DMBT1: variants seen among roughly 807,000 people sequenced by gnomAD.
DMBT1 encodes the protein scavenger receptor cysteine-rich domain-containing protein DMBT1.
Under a neutral mutation model 252.9 loss-of-function variants are expected in DMBT1, and 198 were observed. The ratio of observed to expected loss-of-function variants is 0.78; its 90% CI spans 0.70 to 0.88. DMBT1 has a LOEUF of 0.88. Ranked by LOEUF, DMBT1 falls within the 40% of genes least tolerant of loss-of-function variation. DMBT1 has a pLI of 0.00. For missense variants in DMBT1, 2,432 were observed against 2,404.7 expected (o/e 1.01, Z -0.24); for synonymous variants, 990 against 942.7 (o/e 1.05, Z -0.92).
Position 122,589,022 on chromosome 10 carries a change from G to A in DMBT1, c.1862G>A (p.Gly621Asp). The A allele has an allele frequency of 1.3e-6, 2 of 1,588,738 alleles. No individual in the cohort carries two copies. The highest frequency in any genetic ancestry group is 1.7e-6 in the Non-Finnish European group (2 of 1,165,906). The change falls in exon 17 of 56, where the codon GGC becomes GAC. Residue 621 changes from glycine to aspartate, a missense_variant. Physicochemically the swap from Gly to Asp is moderately conservative, Grantham distance 94. Transcript: ENST00000338354. ...GGCCGAGTGGAGGTCCTATACCGAG[G>A]CTCTTGGGGCACCGTGTGTGATGAC... is the stretch of plus-strand genomic sequence containing the variant. ...CQGRVEVLYRGSWGTVCDDSW... is the reference protein window; with the variant it reads ...CQGRVEVLYRDSWGTVCDDSW...
In DMBT1 at chr10:122,579,803, G is replaced by C. The variant is rs566307490; in HGVS notation, c.905G>C (p.Arg302Pro). ...GGACCCATTGTCCTGGATGATGTGC[G>C]CTGCTCAGGACATGAGTCCTACCTG... ...GSGPIVLDDV[R>P]CSGHESYLWS... The change falls in exon 10 of 56, where the codon CGC (arginine) becomes CCC (proline). Residue 302 changes from arginine (R) to proline (P), a missense_variant. By Grantham distance (103) the Arg-to-Pro change is moderately radical. Transcript: ENST00000338354. 5 of 1,607,376 alleles carry C rather than the reference G, an allele frequency of 3.1e-6. No individual in the cohort carries two copies. The East Asian group carries it at 1.1e-4, about 36-fold the overall frequency.
chr10:122,584,583 T>TC (rs2133563485), intron 14 of DMBT1, among the ~76,000 whole-genome samples: 1 of 148,820 alleles, frequency 6.7e-6, no homozygotes, highest in East Asian at 2.1e-4. Context: ...TTTCATACTG[T>TC]CCCAGTGGCC....
intron 29 of DMBT1, 67 bp downstream of exon 29, chr10:122,602,187 AC>A: frequency 6.3e-6 from 4 of 630,924 alleles, no homozygotes; most frequent in Non-Finnish European, 8.8e-6. Flanking sequence ...AATCCTAATT[AC>A]ATTATGATCT....
intron 40 of DMBT1, 78 bp downstream of exon 40, chr10:122,617,338 T>G: frequency 6.6e-7 from 1 of 1,519,142 alleles, no homozygotes; most frequent in Non-Finnish European, 9.1e-7. Flanking sequence ...AGGATGAGGC[T>G]CAAGGTGGGC....
At chr10:122,626,979 C>A (rs539579943) in intron 46 of DMBT1, among the ~76,000 whole-genome samples, 16 of 151,972 alleles carry the variant, frequency 1.1e-4, no homozygotes, top group Non-Finnish European at 2.2e-4. Context: ...GGGTGGGGTG[C>A]GGGCAAGGAG....
Position 122,586,278 on chromosome 10 carries a change from G to A in DMBT1, c.1678G>A (p.Asp560Asn), listed in dbSNP as rs779611696. Residue 560 changes from aspartate to asparagine, a missense_variant, in exon 16 of 56, where the codon GAC (aspartate) becomes AAC (asparagine). Coordinates refer to ENST00000338354, the MANE Select transcript of DMBT1 (RefSeq NM_001377530.1). ...GGGCTCAGGACCCATTGTCCTGGATGACGTGCGCTGCTCAGGGAATGAGTC... is the reference window on the plus strand; with the variant it reads ...GGGCTCAGGACCCATTGTCCTGGATAACGTGCGCTGCTCAGGGAATGAGTC... ...GQGSGPIVLD[D>N]VRCSGNESYL... The A allele has an allele frequency of 8.8e-6, 14 of 1,588,754 alleles. 2 individuals carry two copies. Among genetic ancestry groups the A allele is most frequent in the African/African-American group, 5.4e-5 (4 of 74,650 alleles).
chr10:122,633,910 G>A (rs528711953), intron 52 of DMBT1, among the ~76,000 whole-genome samples: 1 of 152,274 alleles, frequency 6.6e-6, no homozygotes, highest in South Asian at 2.1e-4. Context: ...GAGGCAGGAG[G>A]ATCACCTGAA....
rs746199475 is a variant in DMBT1 at position 122,621,197 on chromosome 10, C to A, written c.5425C>A (p.Gln1809Lys). The change falls in exon 44 of 56, where the codon CAG (glutamine) becomes AAG (lysine). Residue 1809 changes from glutamine (Q) to lysine (K), a missense_variant. Gln to Lys is a moderately conservative substitution (Grantham distance 53, BLOSUM62 1). Around this residue, in one of 3 missense-constraint regions of DMBT1, gnomAD observed 1,162 missense variants for 1,169.0 expected, o/e 0.99. Coordinates refer to ENST00000338354, the MANE Select transcript of DMBT1 (RefSeq NM_001377530.1). The stretch of plus-strand genomic sequence containing the variant: ...CAATGATGCCAATGTGGTCTGCAGG[C>A]AGCTGGGCTGTGGCTGGGCCATGTC... ...DTNDANVVCR[Q>K]LGCGWAMSAP... The A allele has an allele frequency of 6.2e-7, 1 of 1,613,900 alleles. No homozygotes were observed. Among genetic ancestry groups the A allele is most frequent in the Non-Finnish European group, 8.5e-7 (1 of 1,179,816 alleles).
chr10:122,640,284 A>T lies in DMBT1; in HGVS notation c.7187A>T (p.Tyr2396Phe), dbSNP rs754402736. ...TTTTATACTTCCTCATCTTTCTTGT[A>T]TCCTGTGACCAGCCGCCCTTACTAC... Reference protein sequence around the residue: ...ISFYTSSSFLYPVTSRPYYVD... With the variant: ...ISFYTSSSFLFPVTSRPYYVD... The change falls in exon 55 of 56, where the codon TAT becomes TTT. Residue 2396 changes from tyrosine to phenylalanine, a missense_variant. Physicochemically the swap from Tyr to Phe is conservative, Grantham distance 22. Coordinates refer to ENST00000338354, the MANE Select transcript of DMBT1 (RefSeq NM_001377530.1). The T allele has an allele frequency of 4.3e-5, 70 of 1,613,866 alleles. No homozygotes were observed. The highest frequency in any genetic ancestry group is 5.7e-5 in the Non-Finnish European group (67 of 1,179,896).
chr10:122,593,539 T>C lies in DMBT1; in HGVS notation c.2501-30T>C. 3 of 1,585,968 alleles carry C rather than the reference T, an allele frequency of 1.9e-6. 1 individual carries two copies. The highest frequency in any genetic ancestry group is 2.6e-6 in the Non-Finnish European group (3 of 1,164,136). Reference sequence around the variant, plus strand: ...TTTGCCGACTTCTGTGTAATGTTCCTGATCTGACCTTCTCTTCTCTTTCTC... The same window carrying C: ...TTTGCCGACTTCTGTGTAATGTTCCCGATCTGACCTTCTCTTCTCTTTCTC... On this transcript the variant is annotated intron_variant, in intron 20 of 55. Transcript: ENST00000338354.
chr10:122,631,995 T>G, intron 50 of DMBT1, 120 bp downstream of exon 50: 1 of 1,170,904 alleles, frequency 8.5e-7, no homozygotes, highest in South Asian at 1.3e-5. Context: ...TACCATCCTC[T>G]ACAGCCCCTG....
chr10:122,640,782 G>A (rs1385316670), intron 55 of DMBT1, among the ~76,000 whole-genome samples: 1 of 152,150 alleles, frequency 6.6e-6, no homozygotes, highest in South Asian at 2.1e-4. Flanking sequence ...CAGACTCTAG[G>A]TGACTGAACT....
At chr10:122,571,140 G>A (rs2981792) in intron 4 of DMBT1, among the ~76,000 whole-genome samples, 104,647 of 152,208 alleles carry the variant, frequency 0.69, 36,192 homozygotes, top group East Asian at 0.78. Context: ...GTACACGTGT[G>A]TGTGCTCTGC....
intron 21 of DMBT1, 128 bp downstream of exon 21, chr10:122,593,726 C>G: frequency 7.7e-7 from 1 of 1,305,266 alleles, no homozygotes; most frequent in South Asian, 1.4e-5. Flanking sequence ...ACCCCCAACA[C>G]CGGCTGTGTA....
intron 7 of DMBT1, among the ~76,000 whole-genome samples, chr10:122,577,480 C>T (rs560216933): frequency 1.2e-4 from 18 of 152,290 alleles, no homozygotes; most frequent in South Asian, 2.1e-4. Context: ...GCAGCTCAAG[C>T]GTGGAGAGTT....
intron 4 of DMBT1, among the ~76,000 whole-genome samples, 160 bp from the exon 5 acceptor site, chr10:122,572,154 T>A (rs2097669887): frequency 6.6e-6 from 1 of 152,162 alleles, no homozygotes; most frequent in African/African-American, 2.4e-5. Context: ...GTGGGACCAG[T>A]ACAGTGACAG....
Position 122,618,207 on chromosome 10 carries a change from C to T in DMBT1, c.5082C>T (p.Gly1694=), listed in dbSNP as rs370504339. 4.8e-4 allele frequency: 774 copies of T among 1,613,806 alleles called. 4 individuals are homozygous for T. Among genetic ancestry groups the T allele is most frequent in the Non-Finnish European group, 5.9e-4 (700 of 1,179,804 alleles). Residue 1694 remains glycine (G), a synonymous_variant, in exon 41 of 56, where the codon GGC becomes GGT. Transcript: ENST00000338354. ...AMSAPGNAQF[G]QGSGPIVLDD... is the part of the protein sequence containing the mutation. Reference sequence around the variant, plus strand: ...CAGCCCCAGGAAATGCCCAGTTTGGCCAGGGCTCAGGACCCATTGTCCTGG... The same window carrying T: ...CAGCCCCAGGAAATGCCCAGTTTGGTCAGGGCTCAGGACCCATTGTCCTGG...
At position 122,592,346 on chromosome 10, in the gene DMBT1, C is replaced by G; in HGVS notation, c.2251C>G (p.Arg751Gly). The G allele has an allele frequency of 1.3e-6, 2 of 1,588,048 alleles. No individual in the cohort carries two copies. Among genetic ancestry groups the G allele is most frequent in the African/African-American group, 2.7e-5 (2 of 74,588 alleles). Reference protein sequence around the residue: ...RCQGRVEVLYRGSWGTVCDDS... With the variant: ...RCQGRVEVLYGGSWGTVCDDS... Reference sequence around the variant, plus strand: ...TCAGGGCCGAGTAGAGGTCCTATACCGAGGCTCCTGGGGCACCGTGTGTGA... The same window carrying G: ...TCAGGGCCGAGTAGAGGTCCTATACGGAGGCTCCTGGGGCACCGTGTGTGA... Residue 751 changes from arginine to glycine, a missense_variant, in exon 20 of 56, where the codon CGA (arginine) becomes GGA (glycine). Transcript: ENST00000338354.
chr10:122,576,661 C>T lies in DMBT1; in HGVS notation c.546C>T (p.Pro182=), dbSNP rs1266429997. ...SGHESYLWSC[P]HNGWLSHNCG... ...ACGAATCCTACCTGTGGAGCTGCCC[C>T]CACAATGGCTGGCTCTCCCATAACT... Residue 182 remains proline, a synonymous_variant, in exon 7 of 56, where the codon CCC becomes CCT. Transcript: ENST00000338354. The T allele has an allele frequency of 6.2e-7, 1 of 1,613,672 alleles. No individual in the cohort carries two copies. The highest frequency in any genetic ancestry group is 8.5e-7 in the Non-Finnish European group (1 of 1,179,752).
Sources: allele counts gnomAD v4.1 joint callset (sites outside exome capture counted in the v4.1 genomes callset), GRCh38; gene constraint gnomAD v4.1.1; regional missense constraint gnomAD v4.1.1; transcripts MANE v1.5; gene names NCBI Gene and HGNC (gene_info 2026-07-23, HGNC 2026-07-21).